Variants in COL4A1 observed in about 807,000 individuals in gnomAD.
COL4A1 encodes collagen type IV alpha 1 chain, also known as collagen alpha-1(IV) chain.
In COL4A1, 40 loss-of-function variants were observed where a neutral mutation model predicts 216.6. The ratio of observed to expected loss-of-function variants is 0.18; its 90% CI spans 0.14 to 0.24. The LOEUF is 0.24. Ranked by LOEUF, COL4A1 falls within the 10% of genes least tolerant of loss-of-function variation. COL4A1 has a pLI of 1.00. For synonymous variants in COL4A1, 839 were observed against 810.7 expected, an observed-to-expected ratio of 1.03 and a Z score of -0.59; for missense variants, 1,628 against 2,196.8, an observed-to-expected ratio of 0.74 and a Z score of 5.18.
intron 51 of COL4A1, among the ~76,000 whole-genome samples, chr13:110,151,875 T>C (rs1244622987): frequency 6.6e-6 from 1 of 152,182 alleles, no homozygotes; most frequent in Non-Finnish European, 1.5e-5. Flanking sequence ...TCAGCTGAAT[T>C]TGTGCTGAAA....
At chr13:110,203,459 C>T (rs1879336207) in intron 18 of COL4A1, 107 bp downstream of exon 18, 1 of 1,292,616 alleles carries the variant, frequency 7.7e-7, no homozygotes, top group East Asian at 2.3e-5. Context: ...AGCGCTCTCA[C>T]AGACCCAGGG....
At chr13:110,254,573 T>A (rs1206293030) in intron 1 of COL4A1, among the ~76,000 whole-genome samples, 1 of 152,178 alleles carries the variant, frequency 6.6e-6, no homozygotes, top group Non-Finnish European at 1.5e-5. Context: ...ATTTCAAGCA[T>A]GACGGACATG....
chr13:110,160,955 C>T lies in COL4A1; in HGVS notation c.4640+237G>A, dbSNP rs1189081611. ...AACTCCTGAGCTCAAGCAACCCTCTCGCCTCGGCTTCCCAAAGTGTTGGGA... is the reference window on the plus strand; with the variant it reads ...AACTCCTGAGCTCAAGCAACCCTCTTGCCTCGGCTTCCCAAAGTGTTGGGA... On this transcript the variant is annotated intron_variant, in intron 49 of 51. Coordinates refer to ENST00000375820, the MANE Select transcript of COL4A1 (RefSeq NM_001845.6). 2.6e-5 allele frequency: 14 copies of T among 534,726 alleles called. No homozygotes were observed. The East Asian group carries it at 3.8e-4, about 14-fold the overall frequency. The allele number at this position is 534,726 out of a possible 1,614,324, so 33.1% of individuals were successfully genotyped here. A position where few individuals can be genotyped will look rare whatever the true frequency, so the allele number is the denominator to read the frequency against.
rs759148099 is a variant in COL4A1 at position 110,206,864 on chromosome 13, C to T, written c.807+1G>A. 6.2e-7 allele frequency: 1 copy of T among 1,614,026 alleles called. No individual in the cohort carries two copies. The highest frequency in any genetic ancestry group is 8.5e-7 in the Non-Finnish European group (1 of 1,180,016). On this transcript the variant is annotated splice_donor_variant, in intron 14 of 51. Coordinates refer to ENST00000375820, the MANE Select transcript of COL4A1 (RefSeq NM_001845.6). LOFTEE classifies it high-confidence loss of function. Reference sequence around the variant, plus strand: ...ATGATAGGCAGAAACTGAGTACTGACCTGAAATCCAGGTTCACCTTTTTGG... The same window carrying T: ...ATGATAGGCAGAAACTGAGTACTGATCTGAAATCCAGGTTCACCTTTTTGG...
chr13:110,185,288 G>A (rs1274117353), intron 26 of COL4A1, among the ~76,000 whole-genome samples: 2 of 152,056 alleles, frequency 1.3e-5, no homozygotes, highest in African/African-American at 4.8e-5. Context: ...TGGGACTATA[G>A]GTGCCTGCCA....
intron 1 of COL4A1, among the ~76,000 whole-genome samples, chr13:110,301,819 G>C (rs1884505483): frequency 6.6e-6 from 1 of 152,102 alleles, no homozygotes. Context: ...GAGTAGCAAG[G>C]AACGAGGCCA....
chr13:110,208,772 T>G, intron 12 of COL4A1, 77 bp downstream of exon 12: 1 of 1,352,372 alleles, frequency 7.4e-7, no homozygotes, highest in South Asian at 1.2e-5. Flanking sequence ...AGTCCAGACA[T>G]TGATCCAAAG....
chr13:110,203,786 T>A (rs982984805), intron 17 of COL4A1, among the ~76,000 whole-genome samples, 179 bp from the exon 18 acceptor site: 4 of 152,372 alleles, frequency 2.6e-5, no homozygotes, highest in East Asian at 3.9e-4. Flanking sequence ...AGATTTCATT[T>A]TGCTTTGCAC....
intron 41 of COL4A1, among the ~76,000 whole-genome samples, chr13:110,172,432 A>G (rs1877688863): frequency 6.6e-6 from 1 of 152,252 alleles, no homozygotes; most frequent in Admixed American, 6.5e-5. Flanking sequence ...ATGACCTTCT[A>G]GGCATAAAAA....
chr13:110,172,267 G>A (rs1166501231), intron 41 of COL4A1, among the ~76,000 whole-genome samples: 4 of 152,244 alleles, frequency 2.6e-5, no homozygotes, highest in Non-Finnish European at 5.9e-5. Flanking sequence ...AGAAGAGACT[G>A]CCTTCCCAAG....
chr13:110,300,596 A>G (rs1241197664), intron 1 of COL4A1, among the ~76,000 whole-genome samples: 1 of 152,220 alleles, frequency 6.6e-6, no homozygotes, highest in Non-Finnish European at 1.5e-5. Flanking sequence ...TGAATACACA[A>G]ATGGCTTCCC....
chr13:110,210,202 C>T lies in COL4A1; in HGVS notation c.479G>A (p.Gly160Asp). The T allele has an allele frequency of 6.2e-7, 1 of 1,613,626 alleles. No homozygotes were observed. Among genetic ancestry groups the T allele is most frequent in the Non-Finnish European group, 8.5e-7 (1 of 1,180,010 alleles). Residue 160 changes from glycine (G) to aspartate (D), a missense_variant, in exon 9 of 52, where the codon GGT becomes GAT. Coordinates refer to ENST00000375820, the MANE Select transcript of COL4A1 (RefSeq NM_001845.6). ...CCCGGGCACATGGCCAAGTATCTCACCTGGATCACCCTAGAGGATGAAGAA... is the reference window on the plus strand; with the variant it reads ...CCCGGGCACATGGCCAAGTATCTCATCTGGATCACCCTAGAGGATGAAGAA... Reference protein sequence around the residue: ...PGLPGMKGDPGEILGHVPGML... With the variant: ...PGLPGMKGDPDEILGHVPGML...
chr13:110,169,938 A>AGGAAGGGAGGAAGGGAGGGG, intron 42 of COL4A1, among the ~76,000 whole-genome samples, 176 bp from the exon 43 acceptor site: 1 of 138,580 alleles, frequency 7.2e-6, no homozygotes, highest in African/African-American at 2.6e-5. Flanking sequence ...GGAGGGAGGG[A>AGGAAGGGAGGAAGGGAGGGG]GGGAGGGAAT....
At chr13:110,299,327 G>A (rs1349055048) in intron 1 of COL4A1, among the ~76,000 whole-genome samples, 2 of 152,202 alleles carry the variant, frequency 1.3e-5, no homozygotes, top group Non-Finnish European at 2.9e-5. Flanking sequence ...GAGCTGTTTC[G>A]TGGAGCCCTC....
Position 110,211,782 on chromosome 13 carries a change from C to A in COL4A1, c.441+87G>T, listed in dbSNP as rs1031670769. The A allele has an allele frequency of 1.3e-6, 2 of 1,505,956 alleles. No homozygotes were observed. Among genetic ancestry groups the A allele is most frequent in the Admixed American group, 1.8e-5 (1 of 56,922 alleles). The allele number at this position is 1,505,956 out of a possible 1,614,324, so 93.3% of individuals were successfully genotyped here. A position where few individuals can be genotyped will look rare whatever the true frequency, so the allele number is the denominator to read the frequency against. On this transcript the variant is annotated intron_variant, in intron 7 of 51. Coordinates refer to ENST00000375820, the MANE Select transcript of COL4A1 (RefSeq NM_001845.6). This position sits in a 1 kb window ranked among gnomAD's most constrained non-coding sequence, Gnocchi z 4.3. The stretch of plus-strand genomic sequence containing the variant: ...AAAATATAAGTTATTAAAACATAAG[C>A]AAAGAAAGAAAGAAAAGGAAATGGA...
At chr13:110,230,252 TG>T (rs781188480) in intron 2 of COL4A1, among the ~76,000 whole-genome samples, 34 of 151,658 alleles carry the variant, frequency 2.2e-4, no homozygotes, top group Non-Finnish European at 2.8e-4. Flanking sequence ...TATGTGTGTG[TG>T]GTGTGTGTAT....
At chr13:110,215,415 G>T (rs542241397) in intron 2 of COL4A1, among the ~76,000 whole-genome samples, 1 of 152,208 alleles carries the variant, frequency 6.6e-6, no homozygotes, top group Non-Finnish European at 1.5e-5. Flanking sequence ...GCAAAAATTA[G>T]TTGGGTGTAG....
At chr13:110,292,872 A>G (rs138055852) in intron 1 of COL4A1, among the ~76,000 whole-genome samples, 7 of 152,294 alleles carry the variant, frequency 4.6e-5, no homozygotes, top group South Asian at 2.1e-4. Context: ...GAGAAACAGG[A>G]TATGTCCAGG....
Position 110,248,991 on chromosome 13 carries a change from C to T in COL4A1, c.85-6257G>A, listed in dbSNP as rs73615412. On this transcript the variant is annotated intron_variant, in intron 1 of 51. Transcript: ENST00000375820. ...GCTGCTTGTGTCACGCTTGTTTTAA[C>T]CGCGGTGGCTGTGAGGCTCTGCAAA... is the stretch of plus-strand genomic sequence containing the variant. Among the ~76,000 whole-genome samples the T allele has an allele frequency of 7.1e-3, 1,086 of 152,210 alleles. 12 individuals carry two copies. Among genetic ancestry groups the T allele is most frequent in the African/African-American group, 0.025 (1,035 of 41,522 alleles).
Sources: gnomAD v4.1 joint callset for allele counts (sites outside exome capture counted in the v4.1 genomes callset) on GRCh38, gnomAD v4.1.1 for gene constraint, Gnocchi (gnomAD v3.1) non-coding constraint, MANE v1.5 for transcripts, NCBI Gene and HGNC (gene_info 2026-07-23, HGNC 2026-07-21) for gene names.